The following FLRT1 variants were observed in gnomAD, a reference collection of about 807,000 sequenced individuals.
The protein encoded by FLRT1 is leucine-rich repeat transmembrane protein FLRT1.
In FLRT1, 14 loss-of-function variants were observed where a neutral mutation model predicts 30.9. The observed-to-expected ratio is 0.45, with a 90% CI of 0.30 to 0.71. FLRT1 has a LOEUF of 0.71. FLRT1 is among the 30% of genes least tolerant of loss of function. The pLI, the probability that FLRT1 is intolerant of heterozygous loss-of-function variation, is 0.08. For missense variants in FLRT1, 737 were observed against 949.2 expected (o/e 0.78, Z 2.94); for synonymous variants, 368 against 430.4 (o/e 0.85, Z 1.80).
At chr11:64,101,604 T>C (rs1944672159) in intron 1 of FLRT1, among the ~76,000 whole-genome samples, 1 of 152,120 alleles carries the variant, frequency 6.6e-6, no homozygotes, top group African/African-American at 2.4e-5. Flanking sequence ...ACTTTTTCCA[T>C]CTCTCGCTTT....
chr11:64,062,680 G>A (rs1437178278), intron 1 of FLRT1, among the ~76,000 whole-genome samples: 1 of 152,234 alleles, frequency 6.6e-6, no homozygotes, highest in Non-Finnish European at 1.5e-5. Flanking sequence ...TCTCAGGGAA[G>A]CCAGAGTGCT....
At chr11:64,038,375 G>A (rs571027547) in intron 1 of FLRT1, among the ~76,000 whole-genome samples, 1 of 152,234 alleles carries the variant, frequency 6.6e-6, no homozygotes, top group Non-Finnish European at 1.5e-5. Flanking sequence ...GGTGTTCTGC[G>A]TGTGGGTGCA....
chr11:64,044,193 TA>T (rs1943541809), intron 1 of FLRT1, among the ~76,000 whole-genome samples: 1 of 151,776 alleles, frequency 6.6e-6, no homozygotes, highest in South Asian at 2.1e-4. Flanking sequence ...ACAGCAATAG[TA>T]GCTGACATTT....
rs117914019 is a variant in FLRT1, at chr11:64,044,486, C to T, written c.-1038+8327C>T. Among the ~76,000 whole-genome samples, 8 of 152,178 alleles carry T rather than the reference C, an allele frequency of 5.3e-5. No individual in the cohort carries two copies. The East Asian group carries it at 9.7e-4, about 18-fold the overall frequency. The stretch of plus-strand genomic sequence containing the variant: ...CTGGCCTTGAACTCCTGGCCTCAAG[C>T]GATCCTCCCGCCTTGGCCTCCTGAT... On this transcript the variant is annotated intron_variant, in intron 1 of 2. Coordinates refer to ENST00000682287, the MANE Select transcript of FLRT1 (RefSeq NM_013280.5).
chr11:64,042,001 G>A (rs1011829252), intron 1 of FLRT1, among the ~76,000 whole-genome samples: 1 of 152,078 alleles, frequency 6.6e-6, no homozygotes, highest in Non-Finnish European at 1.5e-5. Context: ...GGGGCAGTTA[G>A]GGGCCCACCC....
chr11:64,050,580 C>T (rs1402886155), intron 1 of FLRT1, among the ~76,000 whole-genome samples: 1 of 152,218 alleles, frequency 6.6e-6, no homozygotes, highest in Non-Finnish European at 1.5e-5. Flanking sequence ...TAAGGACAGG[C>T]CTGGCACACA....
chr11:64,071,088 G>A lies in FLRT1; in HGVS notation c.-1037-32106G>A, dbSNP rs189801149. Among the ~76,000 whole-genome samples, 644 of 152,198 alleles carry A rather than the reference G, an allele frequency of 4.2e-3. 6 individuals are homozygous for A. Among genetic ancestry groups the A allele is most frequent in the Middle Eastern group, 0.024 (7 of 294 alleles). On this transcript the variant is annotated intron_variant, in intron 1 of 2. Coordinates refer to ENST00000682287, the MANE Select transcript of FLRT1 (RefSeq NM_013280.5). The stretch of plus-strand genomic sequence containing the variant: ...GACACCAGGCCTTTGTCTCTGTTGG[G>A]ACCTCCACCTGGGGTGGCTTTTTGC...
chr11:64,044,448 T>TA (rs1181540597), intron 1 of FLRT1, among the ~76,000 whole-genome samples: 3 of 152,016 alleles, frequency 2.0e-5, no homozygotes, highest in African/African-American at 7.2e-5. Context: ...AGGGTTTCCT[T>TA]ATGTTGCCCA....
chr11:64,113,877 T>TGGAAGGAC (rs758047887), intron 2 of FLRT1, among the ~76,000 whole-genome samples: 3 of 142,754 alleles, frequency 2.1e-5, no homozygotes, highest in Non-Finnish European at 3.1e-5. Context: ...GATACATGGA[T>TGGAAGGAC]GGATGGATGG....
intron 1 of FLRT1, among the ~76,000 whole-genome samples, chr11:64,061,262 G>T (rs1167541146): frequency 6.6e-6 from 1 of 152,212 alleles, no homozygotes; most frequent in African/African-American, 2.4e-5. Flanking sequence ...TGTAATTGCT[G>T]GCTGTCAGGG....
At chr11:64,091,534 G>A (rs1004836296) in intron 1 of FLRT1, among the ~76,000 whole-genome samples, 69 of 152,204 alleles carry the variant, frequency 4.5e-4, no homozygotes, top group African/African-American at 1.6e-3. Flanking sequence ...AGTAGCTGAG[G>A]TGCATGCCCA....
chr11:64,067,881 C>A lies in FLRT1; in HGVS notation c.-1038+31722C>A, dbSNP rs569738140. Among the ~76,000 whole-genome samples, 6 of 152,252 alleles carry A rather than the reference C, an allele frequency of 3.9e-5. No homozygotes were observed. In the East Asian group the frequency reaches 1.2e-3, roughly 29 times the overall value. On this transcript the variant is annotated intron_variant, in intron 1 of 2. Coordinates refer to ENST00000682287, the MANE Select transcript of FLRT1 (RefSeq NM_013280.5). The surrounding 1 kb of genome is among the most constrained non-coding windows in gnomAD (Gnocchi z 4.6). Reference sequence around the variant, plus strand: ...GAGCGGCCCACTTCCTGCTGCTGTCCATTTAGCCAGCGGTTCGCTCGGCTT... The same window carrying A: ...GAGCGGCCCACTTCCTGCTGCTGTCAATTTAGCCAGCGGTTCGCTCGGCTT...
At chr11:64,073,101 G>A (rs1765265925) in intron 1 of FLRT1, among the ~76,000 whole-genome samples, 1 of 152,216 alleles carries the variant, frequency 6.6e-6, no homozygotes, top group Non-Finnish European at 1.5e-5. Flanking sequence ...CCAGACACAT[G>A]CAAAGAGGCT....
chr11:64,052,347 A>T (rs1015038508), intron 1 of FLRT1, among the ~76,000 whole-genome samples: 1 of 152,190 alleles, frequency 6.6e-6, no homozygotes, highest in Non-Finnish European at 1.5e-5. Flanking sequence ...AAGAGTTTTT[A>T]AAAATTTTTA....
Position 64,090,236 on chromosome 11 carries a change from G to A in FLRT1, c.-1037-12958G>A, listed in dbSNP as rs993036909. Among the ~76,000 whole-genome samples the A allele has an allele frequency of 4.9e-4, 74 of 152,310 alleles. No homozygotes were observed. The highest frequency in any genetic ancestry group is 2.4e-3 in the Admixed American group (36 of 15,306). On this transcript the variant is annotated intron_variant, in intron 1 of 2. Coordinates refer to ENST00000682287, the MANE Select transcript of FLRT1 (RefSeq NM_013280.5). The surrounding 1 kb of genome is among the most constrained non-coding windows in gnomAD (Gnocchi z 4.7). ...CAGGGTGTGGGAAAGGCCAACGGGCGTGTGGGTCTCCAGCCTTTGCTCATC... is the reference window on the plus strand; with the variant it reads ...CAGGGTGTGGGAAAGGCCAACGGGCATGTGGGTCTCCAGCCTTTGCTCATC...
chr11:64,058,001 A>G (rs570754211), intron 1 of FLRT1, among the ~76,000 whole-genome samples: 1 of 152,306 alleles, frequency 6.6e-6, no homozygotes, highest in South Asian at 2.1e-4. Flanking sequence ...GCCTCCTGGG[A>G]CAGCTGGCCT....
intron 1 of FLRT1, among the ~76,000 whole-genome samples, chr11:64,071,616 TG>T (rs904456228): frequency 9.9e-5 from 15 of 152,178 alleles, no homozygotes; most frequent in African/African-American, 3.1e-4. Flanking sequence ...CTACAGGTTC[TG>T]TCGTATCACC....
chr11:64,104,595 C>G (rs1458717093), intron 2 of FLRT1, among the ~76,000 whole-genome samples: 3 of 152,106 alleles, frequency 2.0e-5, no homozygotes, highest in African/African-American at 7.2e-5. Flanking sequence ...GCTACTTGCC[C>G]TGGCGCCTGC....
At chr11:64,097,467 G>A (rs372827641) in intron 1 of FLRT1, among the ~76,000 whole-genome samples, 3 of 152,196 alleles carry the variant, frequency 2.0e-5, no homozygotes, top group East Asian at 1.9e-4. Context: ...TGCTCTGGGC[G>A]CTGCCTGCTG....
Sources: gnomAD v4.1 joint callset for allele counts (sites outside exome capture counted in the v4.1 genomes callset) on GRCh38, gnomAD v4.1.1 for gene constraint, Gnocchi (gnomAD v3.1) non-coding constraint, MANE v1.5 for transcripts, NCBI Gene and HGNC (gene_info 2026-07-23, HGNC 2026-07-21) for gene names.